Variants in HPD observed in about 807,000 individuals in gnomAD.
HPD encodes 4-hydroxyphenylpyruvate dioxygenase.
HPD carries 35 observed loss-of-function variants against 56.9 expected under a neutral mutation model. The observed-to-expected ratio is 0.62, with a 90% CI of 0.47 to 0.82. HPD has a LOEUF of 0.82. Ranked by LOEUF, HPD falls within the 40% of genes least tolerant of loss-of-function variation. The probability of loss-of-function intolerance (pLI) is 0.00; values close to 1 mark genes in which losing one functional copy is unlikely to be tolerated. For synonymous variants in HPD, 186 were observed against 200.2 expected, an observed-to-expected ratio of 0.93 and a Z score of 0.60; for missense variants, 442 against 506.8, an observed-to-expected ratio of 0.87 and a Z score of 1.23.
Position 121,839,593 on chromosome 12 carries a change from A to C in HPD, c.*135T>G. ...GGCGGCCCCGCCGAGGGGCGTGGTC[A>C]GTGTGGGCGGAGCCTTGGGGGCCGA... On this transcript the variant is annotated 3_prime_UTR_variant, in exon 14 of 14. Coordinates refer to ENST00000289004, the MANE Select transcript of HPD (RefSeq NM_002150.3). The C allele has an allele frequency of 1.4e-6, 1 of 701,160 alleles. No homozygotes were observed. Among genetic ancestry groups the C allele is most frequent in the South Asian group, 1.5e-5 (1 of 64,974 alleles). The allele number at this position is 701,160 out of a possible 1,614,324, so 43.4% of individuals were successfully genotyped here. A position where few individuals can be genotyped will look rare whatever the true frequency, so the allele number is the denominator to read the frequency against.
At chr12:121,866,433 A>AT (rs982504611), upstream of HPD, among the ~76,000 whole-genome samples, 136 of 152,234 alleles carry the variant, frequency 8.9e-4, no homozygotes, top group African/African-American at 2.7e-3. Context: ...TGTGTAAAAA[A>AT]AAAACCCCAC....
chr12:121,840,405 A>C (rs1204020230), intron 12 of HPD, among the ~76,000 whole-genome samples: 1 of 152,034 alleles, frequency 6.6e-6, no homozygotes, highest in Non-Finnish European at 1.5e-5. Context: ...GGTTCAAGCG[A>C]TTCTCCTGTC....
rs192737968 is a variant in HPD, at chr12:121,842,132, G to A, written c.954+1578C>T. 4.5e-3 allele frequency among the ~76,000 whole-genome samples: 688 copies of A among 151,700 alleles called. 2 individuals are homozygous for A. The highest frequency in any genetic ancestry group is 8.0e-3 in the Non-Finnish European group (540 of 67,904). On this transcript the variant is annotated intron_variant, in intron 12 of 13. Transcript: ENST00000289004. ...TAAGAGGCTCAAGGTTTCTTTTTGG[G>A]GTGACAAAAATGTTCTAAAATTGAT...
chr12:121,847,013 T>C, intron 10 of HPD, 39 bp downstream of exon 10: 1 of 1,613,936 alleles, frequency 6.2e-7, no homozygotes, highest in Non-Finnish European at 8.5e-7. Context: ...CCCAGACCTC[T>C]TCCCTGCTCC....
At position 121,856,679 on chromosome 12, in the gene HPD, G is replaced by A. The variant is rs1305412595; in HGVS notation, c.199-54C>T. The A allele has an allele frequency of 3.2e-6, 5 of 1,556,416 alleles. No homozygotes were observed. In the Admixed American group the frequency reaches 6.7e-5, roughly 21 times the overall value. ...TAGTGGCTCAGGGGGGCATGGGGAG[G>A]TGCACCCATCGGCCCCTCCCTGCCG... On this transcript the variant is annotated intron_variant, in intron 4 of 13. Coordinates refer to ENST00000289004, the MANE Select transcript of HPD (RefSeq NM_002150.3).
chr12:121,856,708 C>T (rs894310025), intron 4 of HPD, 83 bp from the exon 5 acceptor site: 22 of 1,272,760 alleles, frequency 1.7e-5, no homozygotes, highest in South Asian at 2.4e-5. Flanking sequence ...CCTGCCGACC[C>T]GAAACACCCC....
At chr12:121,849,883 C>A in intron 7 of HPD, 93 bp from the exon 8 acceptor site, 1 of 782,852 alleles carries the variant, frequency 1.3e-6, no homozygotes, top group South Asian at 1.4e-5. Flanking sequence ...CCCCGGGTTC[C>A]AACCTGCATC....
the HPD span, among the ~76,000 whole-genome samples, chr12:121,873,241 C>T: frequency 1.1e-4 from 17 of 152,184 alleles, no homozygotes; most frequent in Non-Finnish European, 2.2e-4. Context: ...CAAGGAAGGC[C>T]TCAATGCCCA....
At chr12:121,843,661 C>G in intron 12 of HPD, 49 bp downstream of exon 12, 1 of 1,610,162 alleles carries the variant, frequency 6.2e-7, no homozygotes, top group African/African-American at 1.3e-5. Context: ...AGATGCAATG[C>G]AGAGCTCATA....
At chr12:121,852,628 T>TGGA (rs1270448623) in intron 7 of HPD, among the ~76,000 whole-genome samples, 1 of 32,274 alleles carries the variant, frequency 3.1e-5, no homozygotes, top group East Asian at 4.0e-3. Flanking sequence ...GATCCTTTTT[T>TGGA]TTTTTTTTTT....
the HPD span, among the ~76,000 whole-genome samples, chr12:121,872,539 C>G: frequency 6.6e-6 from 1 of 151,902 alleles, no homozygotes. Context: ...CCTAAAATTT[C>G]TTGTCTCTCC....
chr12:121,840,054 C>A lies in HPD; in HGVS notation c.955-6G>T, dbSNP rs748617920. 4.8e-5 allele frequency: 77 copies of A among 1,595,058 alleles called. No individual in the cohort carries two copies. Among genetic ancestry groups the A allele is most frequent in the Non-Finnish European group, 6.4e-5 (74 of 1,162,964 alleles). The stretch of plus-strand genomic sequence containing the variant: ...TCCACCAGGATTTTCAGCTCCTAGG[C>A]GGGAGACAGGGGGCTCTGCTAGGGG... On this transcript the variant is annotated splice_region_variant and splice_polypyrimidine_tract_variant and intron_variant, in intron 12 of 13. Coordinates refer to ENST00000289004, the MANE Select transcript of HPD (RefSeq NM_002150.3).
chr12:121,858,064 A>G (rs2137634415), intron 2 of HPD, among the ~76,000 whole-genome samples: 1 of 152,304 alleles, frequency 6.6e-6, no homozygotes, highest in East Asian at 1.9e-4. Flanking sequence ...AGGGAAATAG[A>G]CTTATGTTGC....
At chr12:121,874,685 A>C in the HPD span, among the ~76,000 whole-genome samples, 1 of 152,176 alleles carries the variant, frequency 6.6e-6, no homozygotes, top group Non-Finnish European at 1.5e-5. Context: ...TTAAGGCATT[A>C]ACATCCATTT....
the HPD span, among the ~76,000 whole-genome samples, chr12:121,874,854 CG>C: frequency 6.6e-6 from 1 of 151,782 alleles, no homozygotes; most frequent in African/African-American, 2.4e-5. Context: ...CTCTGCCTCC[CG>C]GGTTCAAGCG....
At chr12:121,846,969 C>A (rs773573337) in intron 10 of HPD, 36 bp from the exon 11 acceptor site, 82 of 1,612,504 alleles carry the variant, frequency 5.1e-5, no homozygotes, top group Non-Finnish European at 6.8e-5. Context: ...CTGTCATTTG[C>A]CCCATCACCC....
At chr12:121,847,477 G>A (rs1159013035) in intron 9 of HPD, among the ~76,000 whole-genome samples, 2 of 151,956 alleles carry the variant, frequency 1.3e-5, no homozygotes, top group Non-Finnish European at 2.9e-5. Flanking sequence ...TCCCACCTCA[G>A]CTTCCCAAGT....
chr12:121,840,108 T>C, intron 12 of HPD, 60 bp from the exon 13 acceptor site: 3 of 1,120,232 alleles, frequency 2.7e-6, no homozygotes, highest in Non-Finnish European at 1.4e-6. Flanking sequence ...CCTTGGAAAG[T>C]CCACAGGGGC....
chr12:121,886,211 C>T, the HPD span, among the ~76,000 whole-genome samples: 2 of 150,868 alleles, frequency 1.3e-5, no homozygotes, highest in South Asian at 4.2e-4. Flanking sequence ...CAGGTTCATG[C>T]CATTCTCCTG....
Sources: gnomAD v4.1 joint callset for allele counts (sites outside exome capture counted in the v4.1 genomes callset) on GRCh38, gnomAD v4.1.1 for gene constraint, MANE v1.5 for transcripts, NCBI Gene and HGNC (gene_info 2026-07-23, HGNC 2026-07-21) for gene names.